The following MYH4 variants were observed in gnomAD, a reference collection of about 807,000 sequenced individuals.
MYH4 encodes the protein myosin heavy chain 4.
In MYH4, 200 loss-of-function variants were observed where a neutral mutation model predicts 229.9. That is an observed-to-expected ratio of 0.87 (90% confidence interval 0.78 to 0.98). The LOEUF is 0.98. Ranked by LOEUF, MYH4 falls within the 50% of genes least tolerant of loss-of-function variation. MYH4 has a pLI of 0.00. For synonymous variants in MYH4, 761 were observed against 834.6 expected (o/e 0.91, Z 1.52); for missense variants, 2,148 against 2,332.6 (o/e 0.92, Z 1.63).
intron 30 of MYH4, among the ~76,000 whole-genome samples, chr17:10,449,733 AT>A (rs1325837018): frequency 6.6e-6 from 1 of 152,108 alleles, no homozygotes; most frequent in Non-Finnish European, 1.5e-5. Flanking sequence ...CATTTCCCAA[AT>A]TTCCTCTAAA....
At position 10,455,668 on chromosome 17, in the gene MYH4, C is replaced by T. The variant is rs201207535; in HGVS notation, c.2120G>A (p.Arg707His). 8.1e-6 allele frequency: 13 copies of T among 1,614,098 alleles called. No homozygotes were observed. The highest frequency in any genetic ancestry group is 4.0e-5 in the African/African-American group (3 of 75,032). ...GCTTGGGAAGCCTTTCCTGCAGATG[C>T]GGATGCCTTCCAGCACACCGTTACA... Reference protein sequence around the residue: ...LRCNGVLEGIRICRKGFPSRI... With the variant: ...LRCNGVLEGIHICRKGFPSRI... The change falls in exon 19 of 40, where the codon CGC becomes CAC. Residue 707 changes from arginine to histidine, a missense_variant. By Grantham distance (29) the Arg-to-His change is conservative. Coordinates refer to ENST00000255381, the MANE Select transcript of MYH4 (RefSeq NM_017533.2).
Position 10,460,931 on chromosome 17 carries a change from G to T in MYH4, c.1132C>A (p.Pro378Thr). Residue 378 changes from proline (P) to threonine (T), a missense_variant, in exon 12 of 40, where the codon CCA becomes ACA. Pro to Thr is a conservative substitution (Grantham distance 38). Transcript: ENST00000255381. ...GGGGTGGTACCTTCCGTGCCATCTGGCTCTGCCTGCTCTTCCCTTTGCTTT... is the reference window on the plus strand; with the variant it reads ...GGGGTGGTACCTTCCGTGCCATCTGTCTCTGCCTGCTCTTCCCTTTGCTTT... ...KQKQREEQAE[P>T]DGTEVADKAA... 6.2e-7 allele frequency: 1 copy of T among 1,613,996 alleles called. No individual in the cohort carries two copies. Among genetic ancestry groups the T allele is most frequent in the African/African-American group, 1.3e-5 (1 of 75,014 alleles).
intron 2 of MYH4, among the ~76,000 whole-genome samples, chr17:10,467,167 G>A (rs2072776882): frequency 6.6e-6 from 1 of 152,028 alleles, no homozygotes; most frequent in South Asian, 2.1e-4. Flanking sequence ...ATGATACAAA[G>A]AAATGGACAA....
At position 10,462,942 on chromosome 17, in the gene MYH4, A is replaced by G. The variant is rs143001233; in HGVS notation, c.931T>C (p.Tyr311His). 3.1e-5 allele frequency: 50 copies of G among 1,613,980 alleles called. No individual in the cohort carries two copies. Among genetic ancestry groups the G allele is most frequent in the Non-Finnish European group, 4.2e-5 (49 of 1,179,968 alleles). Residue 311 changes from tyrosine to histidine, a missense_variant, in exon 11 of 40, where the codon TAT becomes CAT. Physicochemically the swap from Tyr to His is moderately conservative, Grantham distance 83. Coordinates refer to ENST00000255381, the MANE Select transcript of MYH4 (RefSeq NM_017533.2). ...IEMLLITTNPYDFAFVSQGEI... is the reference protein window; with the variant it reads ...IEMLLITTNPHDFAFVSQGEI... ...CCTTGGCTGACAAATGCGAAGTCATATGGGTTGGTGGTGATCAGAAGCATT... is the reference window on the plus strand; with the variant it reads ...CCTTGGCTGACAAATGCGAAGTCATGTGGGTTGGTGGTGATCAGAAGCATT...
rs2072482886 is a variant in MYH4, at chr17:10,443,871, C to T, written c.5668-344G>A. Reference sequence around the variant, plus strand: ...GAGATTGCAGTGAGCTGAGATTGTGCCATTGCACTCCAGCCTGGGCAACAA... The same window carrying T: ...GAGATTGCAGTGAGCTGAGATTGTGTCATTGCACTCCAGCCTGGGCAACAA... On this transcript the variant is annotated intron_variant, in intron 39 of 39. Transcript: ENST00000255381. The surrounding 1 kb of genome is among the most constrained non-coding windows in gnomAD (Gnocchi z 4.6). 6.6e-6 allele frequency among the ~76,000 whole-genome samples: 1 copy of T among 151,300 alleles called. No homozygotes were observed. Among genetic ancestry groups the T allele is most frequent in the East Asian group, 1.9e-4 (1 of 5,170 alleles).
At chr17:10,463,237 T>C (rs1567706382) in intron 9 of MYH4, 49 bp from the exon 10 acceptor site, 1 of 1,567,972 alleles carries the variant, frequency 6.4e-7, no homozygotes, top group Non-Finnish European at 8.7e-7. Context: ...CAGTGAAAAA[T>C]TAAGTGTTTG....
chr17:10,466,429 G>C lies in MYH4; in HGVS notation c.205-13C>G. On this transcript the variant is annotated splice_polypyrimidine_tract_variant and intron_variant, in intron 3 of 39. Transcript: ENST00000255381. ...TCACAGTTACAGTCTGTTAAGAAAAGAAAAAACAAGTGCATATCAAATAAG... is the reference window on the plus strand; with the variant it reads ...TCACAGTTACAGTCTGTTAAGAAAACAAAAAACAAGTGCATATCAAATAAG... 1 of 1,610,982 alleles carries C rather than the reference G, an allele frequency of 6.2e-7. No individual in the cohort carries two copies. Among genetic ancestry groups the C allele is most frequent in the South Asian group, 1.1e-5 (1 of 90,538 alleles).
At position 10,450,413 on chromosome 17, in the gene MYH4, C is replaced by A. The variant is rs541203998; in HGVS notation, c.4181+40G>T. ...TTCTATTTTTCCTTCACTGCCTTTA[C>A]TTTTATTTCTTCCTGCTCCCCTGCA... On this transcript the variant is annotated intron_variant, in intron 30 of 39. Transcript: ENST00000255381. 5.0e-6 allele frequency: 8 copies of A among 1,613,578 alleles called. No individual in the cohort carries two copies. The Admixed American group carries it at 5.0e-5, about 10-fold the overall frequency.
chr17:10,458,221 A>T (rs2072663161), intron 15 of MYH4, among the ~76,000 whole-genome samples: 1 of 152,156 alleles, frequency 6.6e-6, no homozygotes, highest in African/African-American at 2.4e-5. Flanking sequence ...GAGTTAAGTG[A>T]TAGTAATTTG....
intron 11 of MYH4, among the ~76,000 whole-genome samples, chr17:10,462,024 T>C (rs1766266185): frequency 6.6e-6 from 1 of 152,162 alleles, no homozygotes; most frequent in African/African-American, 2.4e-5. Flanking sequence ...CATACAAAGA[T>C]AATAATAAGT....
chr17:10,459,123 C>T (rs2072672793), intron 15 of MYH4, 128 bp downstream of exon 15: 1 of 1,469,872 alleles, frequency 6.8e-7, no homozygotes, highest in Non-Finnish European at 9.3e-7. Flanking sequence ...TACCTCACAA[C>T]CAATCAGAAT....
intron 2 of MYH4, among the ~76,000 whole-genome samples, chr17:10,467,433 A>G (rs897749374): frequency 1.3e-5 from 2 of 152,244 alleles, no homozygotes; most frequent in Admixed American, 6.5e-5. Flanking sequence ...AATATCCAAC[A>G]TATAATTTTG....
chr17:10,447,306 T>C (rs756386996), intron 34 of MYH4, 90 bp from the exon 35 acceptor site: 9 of 1,153,212 alleles, frequency 7.8e-6, no homozygotes, highest in Non-Finnish European at 1.1e-5. Context: ...TCTTAATGAC[T>C]TAGAGTATGA....
Position 10,455,089 on chromosome 17 carries a change from A to G in MYH4, c.2299-12T>C, listed in dbSNP as rs868463927. ...GCTTTGAAGAAAACCTTATGAAAGA[A>G]CAAGTTAAATATGTTATTTCCACTT... On this transcript the variant is annotated splice_polypyrimidine_tract_variant and intron_variant, in intron 20 of 39. Transcript: ENST00000255381. The G allele has an allele frequency of 1.9e-6, 3 of 1,614,202 alleles. No homozygotes were observed. Among genetic ancestry groups the G allele is most frequent in the Non-Finnish European group, 1.7e-6 (2 of 1,180,028 alleles).
Position 10,466,382 on chromosome 17 carries a change from A to G in MYH4, c.239T>C (p.Met80Thr), listed in dbSNP as rs200791457. 80 of 1,614,184 alleles carry G rather than the reference A, an allele frequency of 5.0e-5. No individual in the cohort carries two copies. The East Asian group carries it at 1.7e-3, about 34-fold the overall frequency. Reference protein sequence around the residue: ...VTVKEDQVFSMNPPKYDKIED... With the variant: ...VTVKEDQVFSTNPPKYDKIED... ...GATCTTGTCATATTTGGGAGGGTTC[A>G]TGGAGAAGACTTGGTCTTCTTTCAC... The change falls in exon 4 of 40, where the codon ATG becomes ACG. Residue 80 changes from methionine to threonine, a missense_variant. By Grantham distance (81) the Met-to-Thr change is moderately conservative. Transcript: ENST00000255381.
At chr17:10,451,546 AT>A in intron 27 of MYH4, 94 bp from the exon 28 acceptor site, 1 of 1,345,418 alleles carries the variant, frequency 7.4e-7, no homozygotes, top group Non-Finnish European at 1.0e-6. Flanking sequence ...AAAGGGGCTG[AT>A]TTTTATTTAC....
intron 4 of MYH4, among the ~76,000 whole-genome samples, 173 bp downstream of exon 4, chr17:10,466,100 A>G (rs2072763706): frequency 6.6e-6 from 1 of 152,220 alleles, no homozygotes; most frequent in African/African-American, 2.4e-5. Flanking sequence ...TCAGTTAAGT[A>G]AATGGTTTTC....
At chr17:10,455,515 T>C in intron 19 of MYH4, 99 bp downstream of exon 19, 2 of 1,477,378 alleles carry the variant, frequency 1.4e-6, no homozygotes, top group Non-Finnish European at 1.9e-6. Context: ...TTCAAATAAT[T>C]GCATGTCATT....
chr17:10,449,192 A>G (rs2072546354), intron 30 of MYH4, 145 bp from the exon 31 acceptor site: 1 of 709,534 alleles, frequency 1.4e-6, no homozygotes. Flanking sequence ...ACTCTCTTAG[A>G]ATTCTGTTTT....
Sources: gnomAD v4.1 joint callset for allele counts (sites outside exome capture counted in the v4.1 genomes callset) on GRCh38, gnomAD v4.1.1 for gene constraint, Gnocchi (gnomAD v3.1) non-coding constraint, MANE v1.5 for transcripts, NCBI Gene and HGNC (gene_info 2026-07-23, HGNC 2026-07-21) for gene names.